BCOR: variants seen among roughly 807,000 people sequenced by gnomAD.
BCOR encodes the protein BCL6 corepressor.
Under a neutral mutation model 86.7 loss-of-function variants are expected in BCOR, and 10 were observed. The observed-to-expected ratio is 0.12, with a 90% CI of 0.07 to 0.20. The LOEUF is 0.20. Among genes scored for constraint, BCOR ranks in the 10% least tolerant of loss-of-function variants. The pLI, the probability that BCOR is intolerant of heterozygous loss-of-function variation, is 1.00. For missense variants in BCOR, 1,259 were observed against 1,452.1 expected, an observed-to-expected ratio of 0.87 and a Z score of 2.16; for synonymous variants, 611 against 609.0, an observed-to-expected ratio of 1.00 and a Z score of -0.05.
At chrX:40,058,070 A>C (rs1286088980) in intron 10 of BCOR, among the ~76,000 whole-genome samples, 1 of 112,348 alleles carries the variant, frequency 8.9e-6, no homozygotes, top group African/African-American at 3.2e-5. Context: ...AATGACAGGA[A>C]TCTAATACAC....
In BCOR at chrX:40,097,924, G is replaced by C. The variant is rs1431750673; in HGVS notation, c.-750C>G. ...CGCGTTCAGCGAGGAGCGCAGCTCT[G>C]CCTCACCTTGCCGCTGGGAGCCCAG... On this transcript the variant is annotated 5_prime_UTR_variant, in exon 1 of 15. Transcript: ENST00000378444. Among the ~76,000 whole-genome samples, 1 of 110,594 alleles carries C rather than the reference G, an allele frequency of 9.0e-6. No individual in the cohort carries two copies. Among genetic ancestry groups the C allele is most frequent in the African/African-American group, 3.3e-5 (1 of 30,372 alleles).
chrX:40,152,618 GC>G (rs1938191389), intron 1 of BCOR, among the ~76,000 whole-genome samples: 1 of 112,785 alleles, frequency 8.9e-6, no homozygotes, highest in Admixed American at 9.3e-5. Context: ...ACCGGGCGAG[GC>G]TTTTGTGGCC....
chrX:40,079,429 G>A (rs910306779), intron 1 of BCOR, among the ~76,000 whole-genome samples: 6 of 111,812 alleles, frequency 5.4e-5, no homozygotes, highest in African/African-American at 9.8e-5. Flanking sequence ...TCCCAAAGCC[G>A]GTCTGTACTT....
upstream of BCOR, among the ~76,000 whole-genome samples, chrX:40,099,461 CTCTT>C (rs1332718693): frequency 1.8e-5 from 2 of 112,028 alleles, no homozygotes; most frequent in Non-Finnish European, 3.8e-5. Flanking sequence ...GGTGGGGTGT[CTCTT>C]TCTGCCTAAG....
intron 10 of BCOR, among the ~76,000 whole-genome samples, chrX:40,058,052 CTTAAG>C (rs199500049): frequency 0.04 from 4,441 of 112,036 alleles, 101 homozygotes; most frequent in Non-Finnish European, 0.06. Context: ...TTCATATTTA[CTTAAG>C]TTAATGACAG....
chrX:40,132,224 A>G (rs571050184), intron 1 of BCOR, among the ~76,000 whole-genome samples: 21 of 112,030 alleles, frequency 1.9e-4, no homozygotes, highest in African/African-American at 6.8e-4. Flanking sequence ...GCCCCTGTTG[A>G]TGTGTGACTG....
At chrX:40,095,889 T>C (rs1936840565) in intron 1 of BCOR, among the ~76,000 whole-genome samples, 2 of 111,494 alleles carry the variant, frequency 1.8e-5, no homozygotes, top group Non-Finnish European at 3.8e-5. Context: ...GCCAGACTCG[T>C]CCGTCTCCGG....
At chrX:40,132,780 C>T (rs1937615691) in intron 1 of BCOR, among the ~76,000 whole-genome samples, 1 of 112,411 alleles carries the variant, frequency 8.9e-6, no homozygotes, top group Admixed American at 9.4e-5. Flanking sequence ...CTCACGGTGC[C>T]CCCCTAACAT....
chrX:40,055,663 GCA>G, intron 11 of BCOR, 150 bp from the exon 12 acceptor site: 1 of 615,398 alleles, frequency 1.6e-6, no homozygotes, highest in African/African-American at 2.2e-5. Flanking sequence ...CAGGAGGTGT[GCA>G]CAGTCACCGC....
rs767497766 is a variant in BCOR, at chrX:40,073,026, T to G, written c.2320A>C (p.Lys774Gln). The G allele has an allele frequency of 8.3e-7, 1 of 1,212,085 alleles. No homozygotes were observed. The part of the protein sequence containing the change: ...FSEILETSST[K>Q]LHPDVPTDKN... ...TCGGTGGGGACATCTGGATGTAACT[T>G]GGTGCTGCTAGTTTCCAAAATCTCG... Residue 774 changes from lysine to glutamine, a missense_variant, in exon 4 of 15, where the codon AAG (lysine) becomes CAG (glutamine). Around this residue, in one of 7 missense-constraint regions of BCOR, gnomAD observed 534 missense variants for 594.8 expected, o/e 0.90. Coordinates refer to ENST00000378444, the MANE Select transcript of BCOR (RefSeq NM_001123385.2).
At chrX:40,110,762 G>A (rs776517911) in intron 1 of BCOR, among the ~76,000 whole-genome samples, 3 of 74,558 alleles carry the variant, frequency 4.0e-5, no homozygotes, top group African/African-American at 1.7e-4. Context: ...CCAGGCTGGA[G>A]TGCAATGGCA....
chrX:40,064,238 G>T (rs1017639941), intron 7 of BCOR, 98 bp downstream of exon 7: 9 of 1,138,539 alleles, frequency 7.9e-6, no homozygotes, highest in Non-Finnish European at 9.6e-6. Flanking sequence ...CTCTGTCTAC[G>T]GGGGCAGCGC....
intron 1 of BCOR, among the ~76,000 whole-genome samples, chrX:40,135,836 T>G (rs1055706065): frequency 8.9e-6 from 1 of 112,357 alleles, no homozygotes; most frequent in African/African-American, 3.2e-5. Context: ...ATGGATTTAT[T>G]TAAATTTAAT....
chrX:40,103,232 C>A (rs774915186), intron 1 of BCOR, among the ~76,000 whole-genome samples: 5 of 111,794 alleles, frequency 4.5e-5, no homozygotes, highest in Non-Finnish European at 9.4e-5. Context: ...GTGACACAGA[C>A]AAACGACTGA....
rs981596091 is a variant in BCOR, at chrX:40,160,301, T to C, written c.-41+16706A>G. On this transcript the variant is annotated intron_variant, in intron 1 of 14. Transcript: ENST00000342274. ...CGGCTAATTTTGTGTATTTTTTTTTTAGTAGAGACAGGGTTTCACTGTGTT... is the reference window on the plus strand; with the variant it reads ...CGGCTAATTTTGTGTATTTTTTTTTCAGTAGAGACAGGGTTTCACTGTGTT... Among the ~76,000 whole-genome samples the C allele has an allele frequency of 2.7e-5, 3 of 110,866 alleles. No individual in the cohort carries two copies. The Admixed American group carries it at 2.8e-4, about 11-fold the overall frequency.
chrX:40,160,515 C>CAAA (rs774697720), intron 1 of BCOR, among the ~76,000 whole-genome samples: 4,029 of 60,313 alleles, frequency 0.067, 122 homozygotes, highest in South Asian at 0.14. Flanking sequence ...GACCCTGTCT[C>CAAA]AAAAAAAAAA....
In BCOR at chrX:40,147,375, A is replaced by T. The variant is rs780919179; in HGVS notation, c.-41+29632T>A. On this transcript the variant is annotated intron_variant, in intron 1 of 14. Coordinates refer to the BCOR transcript ENST00000342274. The stretch of plus-strand genomic sequence containing the variant: ...GAGAAGCGGGAAACGCAAGTGAAGG[A>T]TACCCCAATCCCTCGAGTTTGTTTT... Among the ~76,000 whole-genome samples the T allele has an allele frequency of 1.3e-4, 15 of 112,840 alleles. No homozygotes were observed. The South Asian group carries it at 5.4e-3, about 41-fold the overall frequency.
rs776597639 is a variant in BCOR, at chrX:40,073,419, T to C, written c.1927A>G (p.Asn643Asp). 4.1e-6 allele frequency: 5 copies of C among 1,212,073 alleles called. No homozygotes were observed. Among genetic ancestry groups the C allele is most frequent in the Middle Eastern group, 2.3e-4 (1 of 4,355 alleles). ...LPPSSIFLSP[N>D]EAFRSPPIPY... ...ATTGGTGGGGACCTGAATGCCTCAT[T>C]TGGAGACAGAAATATAGAGCTTGGT... Residue 643 changes from asparagine (N) to aspartate (D), a missense_variant, in exon 4 of 15, where the codon AAT becomes GAT. By Grantham distance (23) the Asn-to-Asp change is conservative. This residue lies in a region of BCOR where 534 missense variants were observed against 594.8 expected (regional missense o/e 0.90). Coordinates refer to ENST00000378444, the MANE Select transcript of BCOR (RefSeq NM_001123385.2).
At chrX:40,107,000 C>G (rs1937202017) in intron 1 of BCOR, among the ~76,000 whole-genome samples, 1 of 111,550 alleles carries the variant, frequency 9.0e-6, no homozygotes, top group South Asian at 3.8e-4. Flanking sequence ...CTGTGAGCCC[C>G]GAGGTTTTGG....
Sources: allele counts gnomAD v4.1 joint callset (sites outside exome capture counted in the v4.1 genomes callset), GRCh38; gene constraint gnomAD v4.1.1; regional missense constraint gnomAD v4.1.1; transcripts MANE v1.5; gene names NCBI Gene and HGNC (gene_info 2026-07-23, HGNC 2026-07-21).